The following DAPK1 variants were observed in gnomAD, a reference collection of about 807,000 sequenced individuals.
The protein encoded by DAPK1 is death-associated protein kinase 1.
In DAPK1, 56 loss-of-function variants were observed where a neutral mutation model predicts 144.9. The ratio of observed to expected loss-of-function variants is 0.39; its 90% CI spans 0.31 to 0.48. The LOEUF is 0.48. Among genes scored for constraint, DAPK1 ranks in the 20% least tolerant of loss-of-function variants. The probability of loss-of-function intolerance (pLI) is 0.95; values close to 1 mark genes in which losing one functional copy is unlikely to be tolerated. For missense variants in DAPK1, 1,454 were observed against 1,875.4 expected (o/e 0.78, Z 4.15); for synonymous variants, 690 against 749.0 (o/e 0.92, Z 1.29).
chr9:87,598,585 A>C (rs753310428), intron 2 of DAPK1, among the ~76,000 whole-genome samples: 2 of 152,164 alleles, frequency 1.3e-5, no homozygotes, highest in Non-Finnish European at 2.9e-5. Context: ...GCTTGGCACC[A>C]GCTTATGCAG....
chr9:87,698,438 T>C (rs1480923302), intron 22 of DAPK1: 5 of 453,490 alleles, frequency 1.1e-5, no homozygotes, highest in Non-Finnish European at 2.0e-5. Context: ...CAATTTTCCT[T>C]GTGGCCTAGG....
chr9:87,524,591 G>A (rs62562125), intron 2 of DAPK1, among the ~76,000 whole-genome samples: 13,561 of 152,206 alleles, frequency 0.089, 892 homozygotes, highest in East Asian at 0.33. Flanking sequence ...GTGTGAATGC[G>A]CATGTTTACA....
intron 2 of DAPK1, among the ~76,000 whole-genome samples, chr9:87,527,145 T>G (rs994310270): frequency 6.6e-6 from 1 of 152,192 alleles, no homozygotes; most frequent in African/African-American, 2.4e-5. Context: ...GGTGTAGAGA[T>G]TCATTCTGTC....
chr9:87,590,841 A>G (rs1411619937), intron 2 of DAPK1, among the ~76,000 whole-genome samples: 1 of 152,180 alleles, frequency 6.6e-6, no homozygotes, highest in East Asian at 1.9e-4. Context: ...CTCCCACCTC[A>G]GCCTCCCGAA....
At chr9:87,522,195 A>G (rs113571252) in intron 2 of DAPK1, among the ~76,000 whole-genome samples, 45 of 152,146 alleles carry the variant, frequency 3.0e-4, no homozygotes, top group African/African-American at 1.0e-3. Context: ...ATGGCCAGTT[A>G]TGGAGAACAA....
chr9:87,564,007 A>C (rs535050334), intron 2 of DAPK1, among the ~76,000 whole-genome samples: 1 of 152,166 alleles, frequency 6.6e-6, no homozygotes, highest in Admixed American at 6.5e-5. Context: ...TATTTAGTTT[A>C]GGATGCCCGT....
At chr9:87,549,251 C>T (rs1041106677) in intron 2 of DAPK1, among the ~76,000 whole-genome samples, 13 of 152,130 alleles carry the variant, frequency 8.5e-5, no homozygotes, top group Non-Finnish European at 1.5e-4. Context: ...CCATCCATGT[C>T]CCTGCAGAGG....
intron 2 of DAPK1, among the ~76,000 whole-genome samples, chr9:87,600,219 C>T (rs865779243): frequency 2.0e-5 from 3 of 152,186 alleles, no homozygotes; most frequent in Non-Finnish European, 2.9e-5. Flanking sequence ...CCACGATCCT[C>T]TCCAATTTTC....
intron 2 of DAPK1, among the ~76,000 whole-genome samples, chr9:87,593,547 G>A (rs1828213298): frequency 6.6e-6 from 1 of 152,154 alleles, no homozygotes; most frequent in African/African-American, 2.4e-5. Flanking sequence ...GTATTTGCAT[G>A]GTAATGACCT....
chr9:87,680,643 A>ACACACACACGCG (rs1426062791), intron 19 of DAPK1, among the ~76,000 whole-genome samples: 1 of 124,038 alleles, frequency 8.1e-6, no homozygotes, highest in Non-Finnish European at 1.9e-5. Flanking sequence ...GGGGTCACAC[A>ACACACACACGCG]CACACACACG....
chr9:87,577,533 C>T (rs895329001), intron 2 of DAPK1, among the ~76,000 whole-genome samples: 2 of 152,166 alleles, frequency 1.3e-5, no homozygotes, highest in African/African-American at 4.8e-5. Context: ...CACAGTGGCT[C>T]ACGCTTGTAA....
intron 2 of DAPK1, among the ~76,000 whole-genome samples, chr9:87,578,493 T>C (rs1010603500): frequency 9.2e-5 from 14 of 152,222 alleles, no homozygotes; most frequent in African/African-American, 3.1e-4. Context: ...TTAGGATAGA[T>C]TGCTAGAAGT....
chr9:87,614,064 G>A (rs1829015106), intron 3 of DAPK1, among the ~76,000 whole-genome samples: 2 of 152,156 alleles, frequency 1.3e-5, no homozygotes, highest in African/African-American at 4.8e-5. Context: ...TGTAAAATAG[G>A]TTATTTTCCA....
At chr9:87,658,853 C>A (rs913324926) in intron 18 of DAPK1, among the ~76,000 whole-genome samples, 12 of 152,192 alleles carry the variant, frequency 7.9e-5, no homozygotes, top group Non-Finnish European at 1.5e-4. Flanking sequence ...GTCCTGGACT[C>A]ACAGATGAGA....
At chr9:87,533,378 G>A (rs369222622) in intron 2 of DAPK1, among the ~76,000 whole-genome samples, 8 of 152,294 alleles carry the variant, frequency 5.3e-5, no homozygotes, top group South Asian at 2.1e-4. Flanking sequence ...CTCTCAGACC[G>A]CATCCAGGGG....
chr9:87,583,895 A>G (rs1827840117), intron 2 of DAPK1, among the ~76,000 whole-genome samples: 2 of 152,192 alleles, frequency 1.3e-5, no homozygotes, highest in South Asian at 4.1e-4. Flanking sequence ...GAGAGTAACT[A>G]TGAAATAATT....
In DAPK1 at chr9:87,643,392, T is replaced by C. The variant is rs1460739081; in HGVS notation, c.935T>C (p.Ile312Thr). 1 of 1,589,990 alleles carries C rather than the reference T, an allele frequency of 6.3e-7. No homozygotes were observed. The highest frequency in any genetic ancestry group is 1.7e-5 in the Admixed American group (1 of 57,804). The change falls in exon 11 of 26, where the codon ATA becomes ACA. Residue 312 changes from isoleucine to threonine, a missense_variant. Ile to Thr is a moderately conservative substitution (Grantham distance 89, BLOSUM62 -1). Around this residue, in one of 2 missense-constraint regions of DAPK1, gnomAD observed 429 missense variants for 637.5 expected, o/e 0.67. Transcript: ENST00000408954. The stretch of plus-strand genomic sequence containing the variant: ...AAAAAAAAGCAATCCGTTCGCTTGA[T>C]ATCACTGTGCCAAAGATTATCCAGG... The part of the protein sequence containing the change: ...RKKWKQSVRL[I>T]SLCQRLSRSF...
At chr9:87,580,515 A>G (rs1827716310) in intron 2 of DAPK1, among the ~76,000 whole-genome samples, 1 of 152,224 alleles carries the variant, frequency 6.6e-6, no homozygotes, top group Admixed American at 6.5e-5. Context: ...CTGTTTGGAA[A>G]ATATCTCCAT....
intron 2 of DAPK1, among the ~76,000 whole-genome samples, chr9:87,541,791 G>A (rs976134177): frequency 1.3e-5 from 2 of 152,118 alleles, no homozygotes; most frequent in African/African-American, 4.8e-5. Flanking sequence ...CAGATATTAT[G>A]GTGACTTGTA....
Sources: allele counts gnomAD v4.1 joint callset (sites outside exome capture counted in the v4.1 genomes callset), GRCh38; gene constraint gnomAD v4.1.1; regional missense constraint gnomAD v4.1.1; transcripts MANE v1.5; gene names NCBI Gene and HGNC (gene_info 2026-07-23, HGNC 2026-07-21).